The following NEBL variants were observed in gnomAD, a reference collection of about 807,000 sequenced individuals.
The protein encoded by NEBL is LIM and SH3 protein 2.
In NEBL, 122 loss-of-function variants were observed where a neutral mutation model predicts 140.2. That is an observed-to-expected ratio of 0.87 (90% CI 0.75 to 1.01). The LOEUF (loss-of-function observed/expected upper bound fraction) is 1.01, where lower values mean the gene tolerates loss of function less well. Ranked by LOEUF, NEBL falls within the 50% of genes least tolerant of loss-of-function variation. The pLI is 0.00. For missense variants in NEBL, 1,365 were observed against 1,231.3 expected, an observed-to-expected ratio of 1.11 and a Z score of -1.62; for synonymous variants, 436 against 398.9, an observed-to-expected ratio of 1.09 and a Z score of -1.11.
intron 6 of NEBL, 29 bp from the exon 7 acceptor site, chr10:20,868,794 A>G (rs1224258427): frequency 3.4e-6 from 5 of 1,473,018 alleles, no homozygotes; most frequent in Non-Finnish European, 4.7e-6. Flanking sequence ...ACAATGTTAA[A>G]TATTTCTACC....
chr10:21,135,471 A>G lies in NEBL; in HGVS notation c.164+36912T>C, dbSNP rs1335392406. ...AAATCTGGCAATGATGCTTGACATC[A>G]TAATATTTGACAAAAAGGAAGCACT... On this transcript the variant is annotated intron_variant, in intron 2 of 6. Transcript: ENST00000417816. Among the ~76,000 whole-genome samples the G allele has an allele frequency of 3.3e-5, 5 of 152,162 alleles. 1 individual carries two copies. In the East Asian group the frequency reaches 9.6e-4, roughly 29 times the overall value.
Position 21,121,159 on chromosome 10 carries a change from T to C in NEBL, c.164+51224A>G, listed in dbSNP as rs116608031. Among the ~76,000 whole-genome samples the C allele has an allele frequency of 6.9e-3, 1,045 of 152,302 alleles. 10 individuals are homozygous for C. Among genetic ancestry groups the C allele is most frequent in the African/African-American group, 0.024 (984 of 41,568 alleles). ...CCAAATGCCTTAAAATTATACTCTT[T>C]CATTCCTTATCTCAAATGGCTTCAG... is the stretch of plus-strand genomic sequence containing the variant. On this transcript the variant is annotated intron_variant, in intron 2 of 6. Coordinates refer to the NEBL transcript ENST00000417816.
At chr10:21,134,362 C>T (rs1257167470) in intron 2 of NEBL, among the ~76,000 whole-genome samples, 2 of 152,162 alleles carry the variant, frequency 1.3e-5, no homozygotes, top group Non-Finnish European at 2.9e-5. Flanking sequence ...TTATTTTCTA[C>T]AGTATTTTTG....
intron 2 of NEBL, among the ~76,000 whole-genome samples, chr10:21,122,121 G>C (rs1838606604): frequency 6.6e-6 from 1 of 151,968 alleles, no homozygotes; most frequent in African/African-American, 2.4e-5. Context: ...CACCTCCCAG[G>C]TTCAAGCAAT....
intron 2 of NEBL, among the ~76,000 whole-genome samples, chr10:21,166,389 T>A (rs1840779799): frequency 6.6e-6 from 1 of 152,216 alleles, no homozygotes; most frequent in African/African-American, 2.4e-5. Context: ...TTCTTCCTTC[T>A]TTCAATTCTG....
intron 3 of NEBL, among the ~76,000 whole-genome samples, chr10:21,235,423 T>C (rs1842335221): frequency 6.6e-6 from 1 of 152,202 alleles, no homozygotes; most frequent in South Asian, 2.1e-4. Flanking sequence ...CAAGCGATTC[T>C]CCTGCCTCAG....
chr10:21,172,601 G>T, intron 1 of NEBL: 1 of 718,772 alleles, frequency 1.4e-6, no homozygotes, highest in Non-Finnish European at 2.4e-6. Context: ...AACAAAAAGA[G>T]TGTAGGGAAC....
At chr10:21,229,192 G>A (rs375688524) in intron 3 of NEBL, among the ~76,000 whole-genome samples, 17 of 152,126 alleles carry the variant, frequency 1.1e-4, no homozygotes, top group South Asian at 2.1e-4. Flanking sequence ...AGGCCAAGGC[G>A]GGCAGATCAC....
intron 2 of NEBL, chr10:21,029,504 A>C (rs1325268623): frequency 6.2e-7 from 1 of 1,610,900 alleles, no homozygotes; most frequent in African/African-American, 1.3e-5. Context: ...ATTCGAGTGG[A>C]CGTTGCTGAT....
At chr10:21,172,339 T>TC in intron 2 of NEBL, 1 of 1,485,656 alleles carries the variant, frequency 6.7e-7, no homozygotes, top group Non-Finnish European at 9.4e-7. Flanking sequence ...GCTCTCAAGC[T>TC]CTGAGGCTGT....
intron 3 of NEBL, among the ~76,000 whole-genome samples, chr10:21,013,383 T>G (rs757212498): frequency 2.6e-5 from 4 of 152,142 alleles, no homozygotes; most frequent in Admixed American, 2.0e-4. Context: ...CAAGAAGCAT[T>G]ACCATGGATC....
intron 2 of NEBL, among the ~76,000 whole-genome samples, chr10:21,137,913 C>G (rs1435868709): frequency 7.1e-6 from 1 of 140,504 alleles, no homozygotes; most frequent in Non-Finnish European, 1.5e-5. Context: ...GGTGACAGAG[C>G]AAGACCCTGA....
intron 2 of NEBL, among the ~76,000 whole-genome samples, chr10:21,165,868 T>C (rs1840740259): frequency 6.6e-6 from 1 of 152,102 alleles, no homozygotes. Context: ...TCATTGTACG[T>C]TACAGGTAAC....
At chr10:21,252,901 G>A (rs1431463251) in intron 1 of NEBL, among the ~76,000 whole-genome samples, 2 of 152,138 alleles carry the variant, frequency 1.3e-5, no homozygotes, top group Non-Finnish European at 2.9e-5. Flanking sequence ...GCTGTGGTGA[G>A]CTAAGATTAC....
chr10:20,835,741 C>T (rs1840827941), intron 13 of NEBL, 118 bp from the exon 14 acceptor site: 5 of 755,310 alleles, frequency 6.6e-6, no homozygotes, highest in Middle Eastern at 2.7e-4. Context: ...AACAAAGCTC[C>T]TTGAGTACTA....
chr10:21,096,058 T>C (rs1049120584), intron 2 of NEBL, among the ~76,000 whole-genome samples: 1 of 152,220 alleles, frequency 6.6e-6, no homozygotes, highest in African/African-American at 2.4e-5. Context: ...AGGCTTTAAA[T>C]AGGATTAAAT....
intron 5 of NEBL, among the ~76,000 whole-genome samples, chr10:20,876,233 G>A (rs1448189603): frequency 6.6e-6 from 1 of 152,078 alleles, no homozygotes; most frequent in East Asian, 1.9e-4. Flanking sequence ...GGCCAGAATG[G>A]CTTATCATTT....
At chr10:21,267,141 AT>A (rs1214193304) in intron 1 of NEBL, among the ~76,000 whole-genome samples, 1 of 151,174 alleles carries the variant, frequency 6.6e-6, no homozygotes. Context: ...TGCCCAGGTA[AT>A]TTTTTGTATT....
At chr10:20,890,871 T>C (rs1036542856) in intron 2 of NEBL, among the ~76,000 whole-genome samples, 1 of 152,254 alleles carries the variant, frequency 6.6e-6, no homozygotes, top group African/African-American at 2.4e-5. Flanking sequence ...CTATGACTCA[T>C]TGAGAAGATG....
Sources: allele counts gnomAD v4.1 joint callset (sites outside exome capture counted in the v4.1 genomes callset), GRCh38; gene constraint gnomAD v4.1.1; transcripts MANE v1.5; gene names NCBI Gene and HGNC (gene_info 2026-07-23, HGNC 2026-07-21).